Variants in CASK observed in about 807,000 individuals in gnomAD.
CASK encodes the protein peripheral plasma membrane protein CASK.
In CASK, 4 loss-of-function variants were observed where a neutral mutation model predicts 82.9. The observed-to-expected ratio is 0.05, with a 90% CI of 0.02 to 0.11. The LOEUF (loss-of-function observed/expected upper bound fraction) is 0.11, where lower values mean the gene tolerates loss of function less well. Ranked by LOEUF, CASK falls within the 10% of genes least tolerant of loss-of-function variation. The pLI is 1.00. For missense variants in CASK, 358 were observed against 720.9 expected (o/e 0.50, Z 5.76); for synonymous variants, 259 against 253.5 (o/e 1.02, Z -0.20).
chrX:41,578,508 G>A lies in CASK; in HGVS notation c.1335C>T (p.Asp445=), dbSNP rs1397293665. Residue 445 remains aspartate, a synonymous_variant, in exon 15 of 27, where the codon GAC becomes GAT. Transcript: ENST00000378163. ...CACTGTAAACTTCATGTGCCACTAC[G>A]TCGTGAGTCTGAAGTAAGGCCTAGT... ...PHFMALLQTH[D]VVAHEVYSDE... 5.0e-6 allele frequency: 6 copies of A among 1,204,932 alleles called. No individual in the cohort carries two copies. Among genetic ancestry groups the A allele is most frequent in the African/African-American group, 1.7e-5 (1 of 57,676 alleles).
intron 5 of CASK, among the ~76,000 whole-genome samples, chrX:41,701,157 A>G (rs2067786242): frequency 9.0e-6 from 1 of 110,673 alleles, no homozygotes; most frequent in Non-Finnish European, 1.9e-5. Context: ...AGGCCAATTT[A>G]CAGCCTTACC....
intron 2 of CASK, among the ~76,000 whole-genome samples, chrX:41,847,401 C>T (rs2071176932): frequency 9.0e-6 from 1 of 111,523 alleles, no homozygotes; most frequent in East Asian, 2.8e-4. Context: ...GCTGCTGAGC[C>T]TCTTTAGTTA....
chrX:41,714,724 T>G (rs1474836965), intron 5 of CASK, among the ~76,000 whole-genome samples: 1 of 111,769 alleles, frequency 8.9e-6, no homozygotes, highest in Non-Finnish European at 1.9e-5. Flanking sequence ...CTATGGGACA[T>G]TAACTGAAGT....
intron 2 of CASK, among the ~76,000 whole-genome samples, chrX:41,841,136 A>T (rs746336805): frequency 6.0e-4 from 67 of 112,279 alleles, no homozygotes; most frequent in African/African-American, 2.1e-3. Flanking sequence ...AACAGCGGTT[A>T]CATCATTTTG....
chrX:41,614,973 G>A (rs1000556675), intron 11 of CASK, among the ~76,000 whole-genome samples: 3 of 109,749 alleles, frequency 2.7e-5, no homozygotes, highest in Non-Finnish European at 5.7e-5. Flanking sequence ...ACCCATCTAA[G>A]TTTTGTATTT....
intron 1 of CASK, among the ~76,000 whole-genome samples, chrX:41,893,224 C>T (rs916719221): frequency 2.7e-5 from 3 of 111,765 alleles, no homozygotes; most frequent in Middle Eastern, 4.6e-3. Flanking sequence ...AATTTGGGTC[C>T]GCTTCTACCA....
At chrX:41,578,091 C>CT (rs1010912812) in intron 15 of CASK, among the ~76,000 whole-genome samples, 3 of 111,490 alleles carry the variant, frequency 2.7e-5, no homozygotes, top group African/African-American at 9.8e-5. Flanking sequence ...GTATGTTCCC[C>CT]TTTTTTTGGT....
At chrX:41,522,302 G>A (rs993346761) in intron 26 of CASK, 41 of 111,813 alleles carry the variant, frequency 3.7e-4, no homozygotes, top group African/African-American at 1.3e-3. Context: ...CAGCAGACAG[G>A]AACTCAATCT....
intron 5 of CASK, among the ~76,000 whole-genome samples, chrX:41,679,884 C>T (rs779477889): frequency 8.9e-6 from 1 of 111,736 alleles, no homozygotes; most frequent in African/African-American, 3.3e-5. Context: ...TCTAAGTAGC[C>T]CTGTTTCTTT....
At chrX:41,544,046 G>A (rs971476895) in intron 21 of CASK, among the ~76,000 whole-genome samples, 16 of 111,640 alleles carry the variant, frequency 1.4e-4, no homozygotes, top group African/African-American at 4.2e-4. Flanking sequence ...TCTTTTGACC[G>A]TTCCTCTGTT....
intron 2 of CASK, among the ~76,000 whole-genome samples, chrX:41,818,650 A>G (rs1260838810): frequency 9.0e-6 from 1 of 111,052 alleles, no homozygotes; most frequent in Non-Finnish European, 1.9e-5. Flanking sequence ...TAATCAAGAT[A>G]GTGTGGTATT....
chrX:41,723,109 A>T (rs1355122725), intron 5 of CASK, among the ~76,000 whole-genome samples: 1 of 112,350 alleles, frequency 8.9e-6, no homozygotes. Flanking sequence ...TTTTGGAGAG[A>T]AATATTAGCA....
At chrX:41,831,400 G>A (rs1457099480) in intron 2 of CASK, among the ~76,000 whole-genome samples, 1 of 111,258 alleles carries the variant, frequency 9.0e-6, no homozygotes, top group East Asian at 2.8e-4. Context: ...TTTTTTGCAG[G>A]GTTTCTCTGA....
At chrX:41,868,910 CT>C (rs773064788) in intron 1 of CASK, among the ~76,000 whole-genome samples, 1 of 111,280 alleles carries the variant, frequency 9.0e-6, no homozygotes, top group Non-Finnish European at 1.9e-5. Context: ...AAAGGGTACC[CT>C]TTCACTACCA....
intron 5 of CASK, among the ~76,000 whole-genome samples, chrX:41,724,528 G>A (rs963058958): frequency 1.8e-5 from 2 of 112,265 alleles, no homozygotes; most frequent in Non-Finnish European, 3.8e-5. Flanking sequence ...GGGGAATATA[G>A]ACTTAGAGAC....
At chrX:41,875,477 C>A (rs2071796262) in intron 1 of CASK, among the ~76,000 whole-genome samples, 1 of 111,519 alleles carries the variant, frequency 9.0e-6, no homozygotes, top group Admixed American at 9.5e-5. Context: ...AGAAACAGCA[C>A]TATGGGGCCA....
At position 41,861,826 on chromosome X, in the gene CASK, T is replaced by C. The variant is rs1011088818; in HGVS notation, c.60-8599A>G. On this transcript the variant is annotated intron_variant, in intron 1 of 26. Transcript: ENST00000378163. ...ATATAATGTATATATTGTATATATG[T>C]ATATATACATACAATATATACATAT... is the stretch of plus-strand genomic sequence containing the variant. Among the ~76,000 whole-genome samples, 3 of 101,974 alleles carry C rather than the reference T, an allele frequency of 2.9e-5. No homozygotes were observed. In the Admixed American group the frequency reaches 3.4e-4, roughly 12 times the overall value. 88.6% of individuals were successfully genotyped at this position (101,974 alleles called of 115,157 possible).
intron 12 of CASK, among the ~76,000 whole-genome samples, chrX:41,607,970 G>C (rs997333250): frequency 1.8e-5 from 2 of 112,167 alleles, no homozygotes; most frequent in Non-Finnish European, 3.8e-5. Flanking sequence ...ATAACAGTTA[G>C]TCAGCCCTAA....
chrX:41,852,328 T>C (rs773056564), intron 2 of CASK, among the ~76,000 whole-genome samples: 1 of 111,134 alleles, frequency 9.0e-6, no homozygotes, highest in Admixed American at 9.6e-5. Context: ...AATTATCAAC[T>C]GTATTGCTCT....
Sources: gnomAD v4.1 joint callset for allele counts (sites outside exome capture counted in the v4.1 genomes callset) on GRCh38, gnomAD v4.1.1 for gene constraint, MANE v1.5 for transcripts, NCBI Gene and HGNC (gene_info 2026-07-23, HGNC 2026-07-21) for gene names.